Variants in ELP1 observed in about 807,000 individuals in gnomAD.
The protein encoded by ELP1 is elongator complex protein 1.
ELP1 carries 131 observed loss-of-function variants against 183.2 expected under a neutral mutation model. The ratio of observed to expected loss-of-function variants is 0.72; its 90% confidence interval spans 0.62 to 0.83. The LOEUF is 0.83. Ranked by LOEUF, ELP1 falls within the 40% of genes least tolerant of loss-of-function variation. ELP1 has a pLI of 0.00. For missense variants in ELP1, 1,550 were observed against 1,594.9 expected (o/e 0.97, Z 0.48); for synonymous variants, 555 against 569.0 (o/e 0.98, Z 0.35).
chr9:108,889,278 T>G, intron 29 of ELP1, 54 bp downstream of exon 29: 105 of 1,453,170 alleles, frequency 7.2e-5, no homozygotes, highest in Non-Finnish European at 9.6e-5. Flanking sequence ...AAGATACAAT[T>G]GAGAAGACCT....
chr9:108,886,047 C>T (rs1304485755), intron 29 of ELP1, among the ~76,000 whole-genome samples: 1 of 152,198 alleles, frequency 6.6e-6, no homozygotes, highest in African/African-American at 2.4e-5. Flanking sequence ...CCAGGACTCT[C>T]AATGCAAATA....
chr9:108,930,356 T>C (rs1403774811), intron 2 of ELP1, among the ~76,000 whole-genome samples: 1 of 152,176 alleles, frequency 6.6e-6, no homozygotes, highest in Non-Finnish European at 1.5e-5. Flanking sequence ...CACTAAAGAT[T>C]CTGATTTAGT....
chr9:108,879,194 GC>G (rs1470242931), intron 33 of ELP1, among the ~76,000 whole-genome samples: 1 of 152,262 alleles, frequency 6.6e-6, no homozygotes, highest in East Asian at 1.9e-4. Flanking sequence ...TATAAACTGA[GC>G]ATTCAGGGGA....
At chr9:108,880,202 G>T (rs1027694965) in intron 31 of ELP1, 37 bp from the exon 32 acceptor site, 29 of 1,408,282 alleles carry the variant, frequency 2.1e-5, no homozygotes, top group Admixed American at 1.3e-4. Context: ...TGAGCATGAG[G>T]TTTAAGCAAA....
intron 29 of ELP1, among the ~76,000 whole-genome samples, chr9:108,888,142 G>A (rs778373487): frequency 1.4e-4 from 22 of 152,172 alleles, no homozygotes; most frequent in Non-Finnish European, 2.5e-4. Context: ...GTGAGTGAAA[G>A]GAGCCAGATT....
intron 5 of ELP1, 64 bp from the exon 6 acceptor site, chr9:108,922,991 C>T (rs1564104842): frequency 1.7e-6 from 2 of 1,184,756 alleles, no homozygotes; most frequent in South Asian, 1.2e-5. Context: ...AGTTTCACTG[C>T]TATTCTTCAT....
chr9:108,903,802 C>T, intron 14 of ELP1, 133 bp from the exon 15 acceptor site: 1 of 673,332 alleles, frequency 1.5e-6, no homozygotes, highest in Non-Finnish European at 2.7e-6. Context: ...AGACAAAATA[C>T]ATATATACAC....
chr9:108,905,649 G>A (rs536083012), intron 14 of ELP1, among the ~76,000 whole-genome samples: 10 of 152,258 alleles, frequency 6.6e-5, no homozygotes, highest in South Asian at 2.1e-4. Context: ...ATGGGGATAC[G>A]TCTGAGAAAT....
chr9:108,916,362 A>G, intron 9 of ELP1, 65 bp from the exon 10 acceptor site: 1 of 1,247,428 alleles, frequency 8.0e-7, no homozygotes, highest in Non-Finnish European at 1.2e-6. Context: ...TCTTTATAAT[A>G]GCTGTATTTC....
At chr9:108,907,268 T>C (rs1192763094) in intron 13 of ELP1, among the ~76,000 whole-genome samples, 1 of 152,180 alleles carries the variant, frequency 6.6e-6, no homozygotes, top group African/African-American at 2.4e-5. Flanking sequence ...TTCTGTGAAA[T>C]CTCAGACGAA....
chr9:108,896,663 CA>C lies in ELP1; in HGVS notation c.2588-20del. 6.2e-7 allele frequency: 1 copy of C among 1,612,024 alleles called. No homozygotes were observed. Among genetic ancestry groups the C allele is most frequent in the Non-Finnish European group, 8.5e-7 (1 of 1,178,164 alleles). On this transcript the variant is annotated intron_variant, in intron 24 of 36. Transcript: ENST00000374647. ...GCATTTCCTAACAGTGTTTAGAAAA[CA>C]AAACAGAACACAATCATTTGGGGAA...
chr9:108,881,659 TCA>T (rs1444901158), intron 31 of ELP1, 44 bp downstream of exon 31: 1 of 1,186,930 alleles, frequency 8.4e-7, no homozygotes, highest in East Asian at 2.3e-5. Context: ...CTCTCTCTCC[TCA>T]CCTTCTTCCA....
rs1828968984 is a variant in ELP1, at chr9:108,905,110, C to T, written c.1643+1193G>A. 2.0e-5 allele frequency among the ~76,000 whole-genome samples: 3 copies of T among 152,268 alleles called. No individual in the cohort carries two copies. In the South Asian group the frequency reaches 6.2e-4, roughly 32 times the overall value. ...TTCTAGAACATATTCTGCATTTAGA[C>T]ATGTTAACAAAAGGCTTTTTCAAAA... On this transcript the variant is annotated intron_variant, in intron 14 of 36. Transcript: ENST00000374647.
At chr9:108,907,776 T>A (rs1759852) in intron 13 of ELP1, among the ~76,000 whole-genome samples, 37,065 of 152,064 alleles carry the variant, frequency 0.24, 4,731 homozygotes, top group South Asian at 0.4. Context: ...TATAATTTGG[T>A]TTCTAGGTCA....
chr9:108,872,453 T>C (rs1827491547), intron 36 of ELP1, among the ~76,000 whole-genome samples: 1 of 152,138 alleles, frequency 6.6e-6, no homozygotes, highest in Non-Finnish European at 1.5e-5. Context: ...ATAAATTCAC[T>C]ATCAACAAGG....
intron 25 of ELP1, 98 bp downstream of exon 25, chr9:108,896,398 G>A (rs1828547762): frequency 9.1e-7 from 1 of 1,104,594 alleles, no homozygotes; most frequent in Admixed American, 1.7e-5. Flanking sequence ...CACTCACAGA[G>A]TGATAGCAGA....
intron 19 of ELP1, 55 bp downstream of exon 19, chr9:108,900,205 G>T: frequency 8.4e-7 from 1 of 1,196,428 alleles, no homozygotes; most frequent in Non-Finnish European, 1.3e-6. Context: ...AATTATGCTT[G>T]GTACTTGGCT....
At chr9:108,885,886 G>A (rs751551261) in intron 29 of ELP1, among the ~76,000 whole-genome samples, 38 of 152,136 alleles carry the variant, frequency 2.5e-4, no homozygotes, top group Admixed American at 5.2e-4. Context: ...AAGGAAGGGG[G>A]CTAAGGGTGG....
intron 2 of ELP1, among the ~76,000 whole-genome samples, chr9:108,930,329 A>G (rs1587927373): frequency 6.6e-6 from 1 of 152,220 alleles, no homozygotes; most frequent in Non-Finnish European, 1.5e-5. Flanking sequence ...TTTAAAGTAC[A>G]TATAGTTAGG....
Sources: gnomAD v4.1 joint callset for allele counts (sites outside exome capture counted in the v4.1 genomes callset) on GRCh38, gnomAD v4.1.1 for gene constraint, MANE v1.5 for transcripts, NCBI Gene and HGNC (gene_info 2026-07-23, HGNC 2026-07-21) for gene names.